The following BEST3 variants were observed in gnomAD, a reference collection of about 807,000 sequenced individuals.
BEST3 encodes bestrophin-3.
BEST3 carries 50 observed loss-of-function variants against 47.1 expected under a neutral mutation model. That is an observed-to-expected ratio of 1.06 (90% CI 0.85 to 1.34). BEST3 has a LOEUF of 1.34. BEST3 is among the 40% of genes most tolerant of loss of function. BEST3 has a pLI of 0.00. For missense variants in BEST3, 765 were observed against 817.0 expected, an observed-to-expected ratio of 0.94 and a Z score of 0.78; for synonymous variants, 282 against 298.8, an observed-to-expected ratio of 0.94 and a Z score of 0.58.
Position 69,655,811 on chromosome 12 carries a change from A to G in BEST3, c.1103T>C (p.Leu368Pro). The G allele has an allele frequency of 6.2e-7, 1 of 1,601,990 alleles. No individual in the cohort carries two copies. The highest frequency in any genetic ancestry group is 1.1e-5 in the South Asian group (1 of 90,362). Residue 368 changes from leucine to proline, a missense_variant and splice_region_variant, in exon 10 of 10, where the codon CTG becomes CCG. Physicochemically the swap from Leu to Pro is moderately conservative, Grantham distance 98. Coordinates refer to ENST00000330891, the MANE Select transcript of BEST3 (RefSeq NM_032735.3). ...SFLGSTVQMG[L>P]SGSDFPDEEW... ...CTCGTCAGGAAAGTCGGACCCAGAC[A>G]GCCTGAAACACACAATGACAAGATC...
intron 8 of BEST3, among the ~76,000 whole-genome samples, chr12:69,671,981 C>T (rs916094696): frequency 1.3e-5 from 2 of 152,162 alleles, no homozygotes; most frequent in African/African-American, 4.8e-5. Context: ...TTCTGTTAAC[C>T]CTGTAAACAC....
chr12:69,657,760 C>T (rs1177710025), intron 9 of BEST3, among the ~76,000 whole-genome samples: 1 of 152,166 alleles, frequency 6.6e-6, no homozygotes, highest in East Asian at 1.9e-4. Flanking sequence ...AAACGTCGTT[C>T]CTCATGTTTA....
chr12:69,679,324 T>G (rs1885104296), intron 4 of BEST3, among the ~76,000 whole-genome samples: 1 of 152,250 alleles, frequency 6.6e-6, no homozygotes, highest in Admixed American at 6.5e-5. Context: ...CTCACATGAC[T>G]TTTCTCCTGA....
At chr12:69,686,185 G>GA (rs372482477) in intron 4 of BEST3, among the ~76,000 whole-genome samples, 21,517 of 117,566 alleles carry the variant, frequency 0.18, 2,068 homozygotes, top group East Asian at 0.33. Context: ...AATGGATCAG[G>GA]AAAAAAAAAA....
chr12:69,646,105 T>G (rs964892253), intron 9 of BEST3, among the ~76,000 whole-genome samples: 6 of 152,072 alleles, frequency 3.9e-5, no homozygotes, highest in African/African-American at 1.4e-4. Context: ...CTCAGCTAAT[T>G]TTTTGTATTT....
chr12:69,664,947 T>C (rs546133389), intron 9 of BEST3, among the ~76,000 whole-genome samples: 1 of 152,332 alleles, frequency 6.6e-6, no homozygotes, highest in Non-Finnish European at 1.5e-5. Flanking sequence ...GAGGCAAAGC[T>C]TTCTTTCTTC....
At chr12:69,668,013 C>A (rs1434054826) in intron 9 of BEST3, among the ~76,000 whole-genome samples, 1 of 152,038 alleles carries the variant, frequency 6.6e-6, no homozygotes, top group East Asian at 1.9e-4. Context: ...TTGAACATGT[C>A]CCTTAATATA....
intron 4 of BEST3, 48 bp downstream of exon 4, chr12:69,693,626 C>A: frequency 7.3e-7 from 1 of 1,379,168 alleles, no homozygotes; most frequent in Non-Finnish European, 1.0e-6. Flanking sequence ...TCTGGAGGTC[C>A]TGTCTCAGCT....
At chr12:69,667,771 C>T (rs868319037) in intron 9 of BEST3, among the ~76,000 whole-genome samples, 1 of 152,246 alleles carries the variant, frequency 6.6e-6, no homozygotes, top group East Asian at 1.9e-4. Flanking sequence ...CATCTGTGAG[C>T]TTGGGAGGTG....
exon 10 of BEST3, chr12:69,643,559 A>T (rs1410494849): frequency 1.9e-6 from 1 of 515,614 alleles, no homozygotes. Context: ...GGCATTAATA[A>T]AGTGCATTTC....
rs1004261473 is a variant in BEST3 at position 69,654,072 on chromosome 12, G to C, written c.*835C>G. On this transcript the variant is annotated 3_prime_UTR_variant, in exon 10 of 10. Transcript: ENST00000330891. ...CCATCACTCCTATATGCCTTCCACT[G>C]GAAGTGAGACTGGAAGGGTATCAGG... 11 of 985,384 alleles carry C rather than the reference G, an allele frequency of 1.1e-5. No individual in the cohort carries two copies. Among genetic ancestry groups the C allele is most frequent in the Non-Finnish European group, 1.3e-5 (11 of 829,874 alleles). 61.0% of individuals were successfully genotyped at this position (985,384 alleles called of 1,614,324 possible). A position where few individuals can be genotyped will look rare whatever the true frequency, so the allele number is the denominator to read the frequency against.
At chr12:69,674,113 G>A (rs1450099307) in intron 7 of BEST3, among the ~76,000 whole-genome samples, 1 of 151,820 alleles carries the variant, frequency 6.6e-6, no homozygotes, top group African/African-American at 2.4e-5. Flanking sequence ...TGGGGGAGAG[G>A]GAGATTTTAC....
chr12:69,653,685 T>A lies in BEST3; in HGVS notation c.*1222A>T. 1.0e-6 allele frequency: 1 copy of A among 985,318 alleles called. No individual in the cohort carries two copies. Among genetic ancestry groups the A allele is most frequent in the Non-Finnish European group, 1.2e-6 (1 of 829,926 alleles). The allele number at this position is 985,318 out of a possible 1,614,324, so 61.0% of individuals were successfully genotyped here. ...ATATGACAAATGGTAAGTGCAGCAG[T>A]CGTAAGGCATGGCCTAGGCACTTGG... On this transcript the variant is annotated 3_prime_UTR_variant, in exon 10 of 10. Coordinates refer to ENST00000330891, the MANE Select transcript of BEST3 (RefSeq NM_032735.3).
intron 7 of BEST3, among the ~76,000 whole-genome samples, chr12:69,673,417 A>G (rs710724): frequency 0.36 from 54,763 of 152,062 alleles, 10,228 homozygotes; most frequent in East Asian, 0.5. Flanking sequence ...AGAAAATAAT[A>G]TAAGAGGCTT....
chr12:69,658,593 C>A (rs1188563476), intron 9 of BEST3, among the ~76,000 whole-genome samples: 1 of 152,096 alleles, frequency 6.6e-6, no homozygotes, highest in African/African-American at 2.4e-5. Context: ...GCATTAGGTA[C>A]CTTTTAAATT....
intron 3 of BEST3, 153 bp from the exon 4 acceptor site, chr12:69,694,060 G>A (rs1336532936): frequency 1.5e-5 from 10 of 651,952 alleles, no homozygotes; most frequent in Non-Finnish European, 2.6e-5. Flanking sequence ...GAAAAAAAAT[G>A]TCATTTGTGC....
At chr12:69,659,144 G>A (rs747664618) in intron 9 of BEST3, among the ~76,000 whole-genome samples, 8 of 152,142 alleles carry the variant, frequency 5.3e-5, no homozygotes, top group Non-Finnish European at 1.2e-4. Flanking sequence ...ACTGAGTGGT[G>A]AATGATGCCC....
exon 10 of BEST3, chr12:69,643,584 T>G: frequency 3.5e-6 from 2 of 564,762 alleles, no homozygotes; most frequent in Non-Finnish European, 6.5e-6. Context: ...GAACTCCACA[T>G]GCCTGGATGC....
intron 4 of BEST3, among the ~76,000 whole-genome samples, chr12:69,693,303 G>C (rs1808741928): frequency 7.0e-6 from 1 of 142,564 alleles, no homozygotes; most frequent in African/African-American, 2.7e-5. Context: ...TGTGGCCCAG[G>C]CTGGAGTGCA....
Sources: gnomAD v4.1 joint callset for allele counts (sites outside exome capture counted in the v4.1 genomes callset) on GRCh38, gnomAD v4.1.1 for gene constraint, MANE v1.5 for transcripts, NCBI Gene and HGNC (gene_info 2026-07-23, HGNC 2026-07-21) for gene names.